Variants in MEIS2 observed in about 807,000 individuals in gnomAD.
The protein encoded by MEIS2 is homeobox protein Meis2.
A neutral mutation model predicts 58.6 loss-of-function variants in MEIS2; 9 were observed. The observed-to-expected ratio is 0.15, with a 90% CI of 0.09 to 0.27. The LOEUF is 0.27. Among genes scored for constraint, MEIS2 ranks in the 10% least tolerant of loss-of-function variants. The pLI, the probability that MEIS2 is intolerant of heterozygous loss-of-function variation, is 1.00. For missense variants in MEIS2, 427 were observed against 635.0 expected, an observed-to-expected ratio of 0.67 and a Z score of 3.52; for synonymous variants, 221 against 228.4, an observed-to-expected ratio of 0.97 and a Z score of 0.29.
chr15:36,950,230 T>A, intron 9 of MEIS2, 94 bp downstream of exon 9: 1 of 1,134,830 alleles, frequency 8.8e-7, no homozygotes. Flanking sequence ...CTCGATTTCA[T>A]TTGTTTTAGA....
At chr15:36,923,922 C>T (rs568295393) in intron 9 of MEIS2, among the ~76,000 whole-genome samples, 24 of 152,254 alleles carry the variant, frequency 1.6e-4, no homozygotes, top group Admixed American at 5.2e-4. Flanking sequence ...TTCAGTGAAA[C>T]GTAAGCAATG....
intron 7 of MEIS2, among the ~76,000 whole-genome samples, chr15:37,061,580 T>C (rs1324045883): frequency 3.3e-5 from 5 of 152,338 alleles, no homozygotes; most frequent in Admixed American, 6.5e-5. Context: ...AAGCAGCTGG[T>C]TGCCATGTCT....
At chr15:36,895,325 T>G in intron 10 of MEIS2, 64 bp from the exon 11 acceptor site, 1 of 1,392,608 alleles carries the variant, frequency 7.2e-7, no homozygotes, top group Admixed American at 1.7e-5. Context: ...CAATCAGCAA[T>G]TGTTCCCGCT....
intron 9 of MEIS2, among the ~76,000 whole-genome samples, chr15:36,899,864 T>C (rs1240078245): frequency 1.3e-5 from 2 of 152,178 alleles, no homozygotes; most frequent in Non-Finnish European, 1.5e-5. Context: ...TCACACGGGT[T>C]TAAAAAATAA....
intron 9 of MEIS2, among the ~76,000 whole-genome samples, chr15:36,946,530 A>T (rs937645438): frequency 1.3e-5 from 2 of 152,006 alleles, no homozygotes; most frequent in Non-Finnish European, 2.9e-5. Context: ...CCCCTTAAAC[A>T]TGCCTATTTA....
At chr15:36,982,223 G>A (rs761077359) in intron 8 of MEIS2, among the ~76,000 whole-genome samples, 17 of 152,038 alleles carry the variant, frequency 1.1e-4, no homozygotes, top group Non-Finnish European at 2.5e-4. Context: ...TGAATTTCAA[G>A]TGTACAATAC....
intron 9 of MEIS2, among the ~76,000 whole-genome samples, chr15:36,911,666 C>T (rs892889841): frequency 6.6e-6 from 1 of 152,152 alleles, no homozygotes; most frequent in Non-Finnish European, 1.5e-5. Flanking sequence ...CTCGCTGTCC[C>T]GAGATGAGGT....
chr15:37,101,303 CGTGTGTGTGTGTGTGT>C (rs371810726), upstream of MEIS2: 19 of 128,546 alleles, frequency 1.5e-4, 1 homozygote, highest in East Asian at 7.2e-4. Context: ...TAGCCAAAGG[CGTGTGTGTGTGTGTGT>C]GTGTGTGTGT....
At chr15:37,069,616 T>G (rs1364779754) in intron 7 of MEIS2, among the ~76,000 whole-genome samples, 1 of 152,300 alleles carries the variant, frequency 6.6e-6, no homozygotes, top group East Asian at 1.9e-4. Context: ...AATGTAGGAA[T>G]GCAGAAGAGT....
chr15:36,963,112 C>T lies in MEIS2; in HGVS notation c.901-12712G>A, dbSNP rs1031893477. On this transcript the variant is annotated intron_variant, in intron 8 of 11. Coordinates refer to ENST00000561208, the MANE Select transcript of MEIS2 (RefSeq NM_170675.5). The stretch of plus-strand genomic sequence containing the variant: ...AAACTTGGCCAGGTGCTGTGGCTCA[C>T]GCCTGTAATCCCAACACTTTGGGAG... Among the ~76,000 whole-genome samples, 6 of 152,104 alleles carry T rather than the reference C, an allele frequency of 3.9e-5. 1 individual carries two copies. The highest frequency in any genetic ancestry group is 8.8e-5 in the Non-Finnish European group (6 of 68,016).
intron 9 of MEIS2, among the ~76,000 whole-genome samples, chr15:36,939,982 T>C (rs1234469226): frequency 6.6e-6 from 1 of 152,164 alleles, no homozygotes; most frequent in South Asian, 2.1e-4. Context: ...TTGGTTCCCA[T>C]GGATAATCTA....
chr15:37,054,208 A>G (rs756788321), intron 7 of MEIS2, among the ~76,000 whole-genome samples: 1 of 151,910 alleles, frequency 6.6e-6, no homozygotes. Context: ...CTATTTTTCA[A>G]TTTGCTTGTT....
chr15:37,014,188 T>A (rs546629049), intron 8 of MEIS2, among the ~76,000 whole-genome samples: 18 of 152,194 alleles, frequency 1.2e-4, no homozygotes, highest in Non-Finnish European at 1.9e-4. Flanking sequence ...TGCTTAGATA[T>A]ATGTGAAGCG....
intron 9 of MEIS2, among the ~76,000 whole-genome samples, chr15:36,911,640 T>G (rs1372313719): frequency 6.6e-6 from 1 of 152,236 alleles, no homozygotes; most frequent in Non-Finnish European, 1.5e-5. Context: ...AAACACCACC[T>G]GCCTGCCCTC....
Position 37,006,845 on chromosome 15 carries a change from T to C in MEIS2, c.900+29969A>G, listed in dbSNP as rs956839340. Among the ~76,000 whole-genome samples the C allele has an allele frequency of 5.9e-5, 9 of 152,248 alleles. No homozygotes were observed. In the South Asian group the frequency reaches 6.2e-4, roughly 10 times the overall value. ...CTTCATGAAAACATGTACTGCTTCA[T>C]GTACTCTTTCCAGGCCAGACCCAGT... On this transcript the variant is annotated intron_variant, in intron 8 of 11. Transcript: ENST00000561208.
In MEIS2 at chr15:36,892,143, G is replaced by C; in HGVS notation, c.*30C>G. 2 of 1,608,708 alleles carry C rather than the reference G, an allele frequency of 1.2e-6. No homozygotes were observed. The highest frequency in any genetic ancestry group is 1.7e-6 in the Non-Finnish European group (2 of 1,176,464). ...GAAAGTCTTAAAATAGTTTTTGCGTGTGTTTCCTTTTCCCTTGAGTTCCCT... is the reference window on the plus strand; with the variant it reads ...GAAAGTCTTAAAATAGTTTTTGCGTCTGTTTCCTTTTCCCTTGAGTTCCCT... On this transcript the variant is annotated 3_prime_UTR_variant, in exon 12 of 12. Transcript: ENST00000561208.
At chr15:37,013,459 C>T (rs1567181150) in intron 8 of MEIS2, among the ~76,000 whole-genome samples, 2 of 151,594 alleles carry the variant, frequency 1.3e-5, no homozygotes, top group Non-Finnish European at 2.9e-5. Flanking sequence ...GTAATCCCAG[C>T]TACTCCAGAG....
intron 8 of MEIS2, among the ~76,000 whole-genome samples, chr15:37,014,899 G>A (rs1288776803): frequency 6.7e-6 from 1 of 150,006 alleles, no homozygotes; most frequent in Non-Finnish European, 1.5e-5. Flanking sequence ...CTATGGACCT[G>A]AACAGATTGG....
chr15:36,908,900 T>C (rs1390271798), intron 9 of MEIS2, among the ~76,000 whole-genome samples: 1 of 151,834 alleles, frequency 6.6e-6, no homozygotes, highest in Non-Finnish European at 1.5e-5. Flanking sequence ...GATGGCGCCA[T>C]TGCACTCCAG....
Sources: allele counts gnomAD v4.1 joint callset (sites outside exome capture counted in the v4.1 genomes callset), GRCh38; gene constraint gnomAD v4.1.1; transcripts MANE v1.5; gene names NCBI Gene and HGNC (gene_info 2026-07-23, HGNC 2026-07-21).